The following SLC26A3 variants were observed in gnomAD, a reference collection of about 807,000 sequenced individuals.
SLC26A3 encodes the protein chloride anion exchanger.
SLC26A3 carries 64 observed loss-of-function variants against 85.6 expected under a neutral mutation model. That is an observed-to-expected ratio of 0.75 (90% CI 0.61 to 0.92). SLC26A3 has a LOEUF of 0.92. Ranked by LOEUF, SLC26A3 falls within the 40% of genes least tolerant of loss-of-function variation. SLC26A3 has a pLI of 0.00. For synonymous variants in SLC26A3, 349 were observed against 336.0 expected (o/e 1.04, Z -0.42); for missense variants, 922 against 927.3 (o/e 0.99, Z 0.07).
intron 16 of SLC26A3, among the ~76,000 whole-genome samples, chr7:107,774,406 G>A (rs1299688205): frequency 6.6e-6 from 1 of 152,116 alleles, no homozygotes; most frequent in Non-Finnish European, 1.5e-5. Context: ...AAAAAAGTTA[G>A]CCAGGCATGG....
chr7:107,782,251 T>C (rs1177184148), intron 11 of SLC26A3, among the ~76,000 whole-genome samples: 2 of 152,208 alleles, frequency 1.3e-5, no homozygotes, highest in African/African-American at 2.4e-5. Context: ...TGCAGCAGTT[T>C]ACAAAGTATT....
intron 13 of SLC26A3, among the ~76,000 whole-genome samples, chr7:107,776,985 T>TCCATGAGG (rs1794127269): frequency 6.6e-6 from 1 of 152,246 alleles, no homozygotes; most frequent in Non-Finnish European, 1.5e-5. Context: ...TCACAGTTAT[T>TCCATGAGG]CCATGAGGTA....
chr7:107,772,946 G>A lies in SLC26A3; in HGVS notation c.2008-838C>T, dbSNP rs1042114358. On this transcript the variant is annotated intron_variant, in intron 17 of 20. Transcript: ENST00000340010. ...TATCCAGTTCACCCATGCTGAATAG[G>A]TCTTATCTTAGGTCAGCTCTCACTT... 3.3e-5 allele frequency among the ~76,000 whole-genome samples: 5 copies of A among 152,112 alleles called. No homozygotes were observed. The East Asian group carries it at 5.8e-4, about 18-fold the overall frequency.
rs1300967338 is a variant in SLC26A3 at position 107,767,783 on chromosome 7, T to C, written c.2188A>G (p.Lys730Glu). The C allele has an allele frequency of 1.2e-6, 2 of 1,613,888 alleles. No homozygotes were observed. Among genetic ancestry groups the C allele is most frequent in the Admixed American group, 3.3e-5 (2 of 59,990 alleles). The change falls in exon 19 of 21, where the codon AAG becomes GAG. Residue 730 changes from lysine (K) to glutamate (E), a missense_variant. By Grantham distance (56) the Lys-to-Glu change is moderately conservative (BLOSUM62 1). Transcript: ENST00000340010. ...GCTGATACCTGACTGGGATTAAACT[T>C]TGAAGTACTGTAATCTTTCTTCATC... is the stretch of plus-strand genomic sequence containing the variant. ...ILMKKDYSTS[K>E]FNPSQEKDGK... is the part of the protein sequence containing the mutation.
rs72134999 is a variant in SLC26A3, at chr7:107,789,119, C to CTT, written c.735+403_735+404dup. 8.4e-3 allele frequency among the ~76,000 whole-genome samples: 1,083 copies of CTT among 128,216 alleles called. 20 individuals are homozygous for CTT. The highest frequency in any genetic ancestry group is 0.026 in the African/African-American group (867 of 33,512). 84.1% of individuals were successfully genotyped at this position (128,216 alleles called of 152,430 possible). ...TTTCTTTTTCTTTTCTTTTCTTTTT[C>CTT]TTTTTTTTTTTTTTGAGACAAGAGT... On this transcript the variant is annotated intron_variant, in intron 6 of 20. Transcript: ENST00000340010.
Position 107,791,245 on chromosome 7 carries a change from A to T in SLC26A3, c.383-10T>A. 1 of 1,613,948 alleles carries T rather than the reference A, an allele frequency of 6.2e-7. No individual in the cohort carries two copies. The highest frequency in any genetic ancestry group is 8.5e-7 in the Non-Finnish European group (1 of 1,179,808). On this transcript the variant is annotated splice_polypyrimidine_tract_variant and intron_variant, in intron 4 of 20. Coordinates refer to ENST00000340010, the MANE Select transcript of SLC26A3 (RefSeq NM_000111.3). ...AGAATCGGAAACGGACCTAATTAAC[A>T]GTGGGTGAATCGTGGTCAGTATATG...
At chr7:107,772,938 C>G (rs2115808290) in intron 17 of SLC26A3, among the ~76,000 whole-genome samples, 1 of 152,248 alleles carries the variant, frequency 6.6e-6, no homozygotes, top group African/African-American at 2.4e-5. Flanking sequence ...TTCACCCATG[C>G]TGAATAGGTC....
In SLC26A3 at chr7:107,791,784, A is replaced by G. The variant is rs772953167; in HGVS notation, c.382+46T>C. 8 of 1,231,448 alleles carry G rather than the reference A, an allele frequency of 6.5e-6. No individual in the cohort carries two copies. In the Admixed American group the frequency reaches 6.7e-5, roughly 10 times the overall value. The allele number at this position is 1,231,448 out of a possible 1,614,324, so 76.3% of individuals were successfully genotyped here. On this transcript the variant is annotated intron_variant, in intron 4 of 20. Transcript: ENST00000340010. ...AGAAGGTATGGCTAATAAAATTCAT[A>G]AGGAAAAAACAATGTGAGCATTAAT... is the stretch of plus-strand genomic sequence containing the variant.
At chr7:107,786,756 GTACCTCTCCTGTCACTACTGC>G in intron 8 of SLC26A3, 50 bp downstream of exon 8, 1 of 1,284,860 alleles carries the variant, frequency 7.8e-7, no homozygotes, top group Non-Finnish European at 1.1e-6. Context: ...AGTTCGGATT[GTACCTCTCCTGTCACTACTGC>G]TAACTCTCTG....
At chr7:107,774,927 G>A (rs1276431063) in intron 15 of SLC26A3, 55 bp from the exon 16 acceptor site, 7 of 1,305,006 alleles carry the variant, frequency 5.4e-6, no homozygotes, top group African/African-American at 1.4e-5. Flanking sequence ...TATTTATATA[G>A]CATAGTTCTA....
Position 107,787,440 on chromosome 7 carries a change from G to T in SLC26A3, c.805C>A (p.Leu269Ile), listed in dbSNP as rs1794316424. ...TCTTTAACAATGGATACAACCAAAA[G>T]GACAATCAGAGCTGTCACCAGGTCT... ...IADLVTALIV[L>I]LVVSIVKEIN... The change falls in exon 7 of 21, where the codon CTT (leucine) becomes ATT (isoleucine). Residue 269 changes from leucine (L) to isoleucine (I), a missense_variant. Leu to Ile is a conservative substitution (Grantham distance 5). Coordinates refer to ENST00000340010, the MANE Select transcript of SLC26A3 (RefSeq NM_000111.3). The T allele has an allele frequency of 6.2e-7, 1 of 1,613,722 alleles. No individual in the cohort carries two copies. The highest frequency in any genetic ancestry group is 1.3e-5 in the African/African-American group (1 of 74,884).
At chr7:107,768,125 T>C (rs1312448485) in intron 18 of SLC26A3, among the ~76,000 whole-genome samples, 1 of 152,154 alleles carries the variant, frequency 6.6e-6, no homozygotes, top group African/African-American at 2.4e-5. Flanking sequence ...TTTAATGCCC[T>C]AATGTAAAAA....
intron 16 of SLC26A3, among the ~76,000 whole-genome samples, chr7:107,774,503 G>A (rs1311642555): frequency 1.3e-5 from 2 of 152,204 alleles, no homozygotes; most frequent in Non-Finnish European, 2.9e-5. Context: ...GCAATGAGCT[G>A]TGATCGCACC....
Position 107,797,893 on chromosome 7 carries a change from A to T in SLC26A3, c.-88-3296T>A, listed in dbSNP as rs186126063. Among the ~76,000 whole-genome samples, 62 of 152,132 alleles carry T rather than the reference A, an allele frequency of 4.1e-4. 1 individual carries two copies. The East Asian group carries it at 0.011, about 27-fold the overall frequency. Reference sequence around the variant, plus strand: ...TTTTTGCCAGAAATTCTTGGAAAACACTTTTTTCTGGTTCCTGGAATCACA... The same window carrying T: ...TTTTTGCCAGAAATTCTTGGAAAACTCTTTTTTCTGGTTCCTGGAATCACA... On this transcript the variant is annotated intron_variant, in intron 1 of 20. Transcript: ENST00000340010.
intron 17 of SLC26A3, among the ~76,000 whole-genome samples, 165 bp from the exon 18 acceptor site, chr7:107,772,273 C>T (rs1443799669): frequency 6.6e-6 from 1 of 152,116 alleles, no homozygotes; most frequent in African/African-American, 2.4e-5. Flanking sequence ...AAAAACAAGG[C>T]TCTGTGACAG....
chr7:107,769,415 A>C (rs898751216), intron 18 of SLC26A3, among the ~76,000 whole-genome samples: 7 of 152,164 alleles, frequency 4.6e-5, no homozygotes, highest in South Asian at 2.1e-4. Context: ...TTAAAAAAAA[A>C]CAATATCCTT....
intron 1 of SLC26A3, among the ~76,000 whole-genome samples, chr7:107,797,780 T>C (rs1319340358): frequency 2.7e-5 from 4 of 146,858 alleles, no homozygotes; most frequent in Non-Finnish European, 5.9e-5. Context: ...TCGCCCAGGC[T>C]GGAGTGTAGT....
At chr7:107,786,002 A>G (rs1424528560) in intron 8 of SLC26A3, among the ~76,000 whole-genome samples, 2 of 152,214 alleles carry the variant, frequency 1.3e-5, no homozygotes, top group Non-Finnish European at 2.9e-5. Flanking sequence ...TTCCTTCTCA[A>G]TCCACTGAAT....
chr7:107,796,092 C>G lies in SLC26A3; in HGVS notation c.-88-1495G>C, dbSNP rs1794492975. Among the ~76,000 whole-genome samples the G allele has an allele frequency of 4.5e-5, 6 of 134,172 alleles. 1 individual carries two copies. The South Asian group carries it at 1.5e-3, about 33-fold the overall frequency. The allele number at this position is 134,172 out of a possible 152,430, so 88.0% of individuals were successfully genotyped here. A position where few individuals can be genotyped will look rare whatever the true frequency, so the allele number is the denominator to read the frequency against. ...AGTTCCTTTGAGCTCAGTTATGACT[C>G]CCTTATTATTATTATTATTATTATT... On this transcript the variant is annotated intron_variant, in intron 1 of 20. Coordinates refer to ENST00000340010, the MANE Select transcript of SLC26A3 (RefSeq NM_000111.3).
Sources: gnomAD v4.1 joint callset for allele counts (sites outside exome capture counted in the v4.1 genomes callset) on GRCh38, gnomAD v4.1.1 for gene constraint, MANE v1.5 for transcripts, NCBI Gene and HGNC (gene_info 2026-07-23, HGNC 2026-07-21) for gene names.